Variants in UNC13B observed in about 807,000 individuals in gnomAD.
The protein encoded by UNC13B is unc-13 homolog B.
Under a neutral mutation model 211.0 loss-of-function variants are expected in UNC13B, and 144 were observed. The observed-to-expected ratio is 0.68, with a 90% CI of 0.60 to 0.78. The LOEUF is 0.78. Among genes scored for constraint, UNC13B ranks in the 30% least tolerant of loss-of-function variants. UNC13B has a pLI of 0.00. For missense variants in UNC13B, 1,777 were observed against 2,002.0 expected, an observed-to-expected ratio of 0.89 and a Z score of 2.14; for synonymous variants, 709 against 725.8, an observed-to-expected ratio of 0.98 and a Z score of 0.37.
chr9:35,255,365 C>T (rs1230754151), intron 6 of UNC13B, among the ~76,000 whole-genome samples: 1 of 151,322 alleles, frequency 6.6e-6, no homozygotes, highest in Non-Finnish European at 1.5e-5. Context: ...AGTGTAACTG[C>T]CCAACGGGTT....
At chr9:35,291,821 A>G (rs1409098774) in intron 7 of UNC13B, among the ~76,000 whole-genome samples, 1 of 152,126 alleles carries the variant, frequency 6.6e-6, no homozygotes, top group Non-Finnish European at 1.5e-5. Context: ...AGACGGGCCA[A>G]AGTTTGTCCT....
intron 11 of UNC13B, chr9:35,353,870 C>T: frequency 1.8e-6 from 2 of 1,090,604 alleles, no homozygotes; most frequent in Non-Finnish European, 1.2e-6. Context: ...TCCATCTGGC[C>T]AGCATGAGAC....
At chr9:35,266,295 C>T (rs1827569459) in intron 7 of UNC13B, among the ~76,000 whole-genome samples, 1 of 152,304 alleles carries the variant, frequency 6.6e-6, no homozygotes, top group East Asian at 1.9e-4. Context: ...TGGATGGCCC[C>T]TCCACTACCC....
intron 7 of UNC13B, among the ~76,000 whole-genome samples, chr9:35,288,903 A>G (rs1364176292): frequency 2.0e-5 from 3 of 150,324 alleles, no homozygotes; most frequent in South Asian, 2.1e-4. Context: ...GTTGATAGAC[A>G]TATTCTGAGG....
intron 7 of UNC13B, among the ~76,000 whole-genome samples, chr9:35,284,960 A>G (rs1828708666): frequency 6.6e-6 from 1 of 152,090 alleles, no homozygotes; most frequent in African/African-American, 2.4e-5. Context: ...ATAATTGTAG[A>G]CCTTACTTTT....
chr9:35,334,225 CAA>C (rs1179208403), intron 11 of UNC13B, among the ~76,000 whole-genome samples: 1 of 152,228 alleles, frequency 6.6e-6, no homozygotes, highest in African/African-American at 2.4e-5. Context: ...TCTGGCCTCC[CAA>C]AGTGCTGGGA....
intron 3 of UNC13B, 25 bp from the exon 4 acceptor site, chr9:35,236,444 C>G: frequency 6.3e-7 from 1 of 1,591,172 alleles, no homozygotes; most frequent in Non-Finnish European, 8.6e-7. Context: ...TAGCTTTCCT[C>G]AAAGGGCTTT....
intron 7 of UNC13B, among the ~76,000 whole-genome samples, chr9:35,282,296 C>T: frequency 6.6e-6 from 1 of 152,154 alleles, no homozygotes; most frequent in East Asian, 1.9e-4. Flanking sequence ...CCTACTATCC[C>T]AACTTTTATA....
intron 26 of UNC13B, among the ~76,000 whole-genome samples, chr9:35,391,553 T>C (rs1275497431): frequency 2.0e-5 from 3 of 152,190 alleles, no homozygotes; most frequent in Non-Finnish European, 4.4e-5. Context: ...TGAAGATCTG[T>C]GTTACATTTG....
intron 1 of UNC13B, among the ~76,000 whole-genome samples, chr9:35,202,274 G>C (rs1043493874): frequency 6.6e-6 from 1 of 152,120 alleles, no homozygotes; most frequent in African/African-American, 2.4e-5. Flanking sequence ...GGTCACTTTT[G>C]GAATAAGTAT....
At chr9:35,356,694 C>T (rs1388012601) in intron 11 of UNC13B, among the ~76,000 whole-genome samples, 1 of 152,154 alleles carries the variant, frequency 6.6e-6, no homozygotes, top group Non-Finnish European at 1.5e-5. Context: ...GTTATGCAGA[C>T]ATCATCACCA....
intron 11 of UNC13B, chr9:35,362,013 G>T (rs1280044561): frequency 6.6e-6 from 1 of 152,216 alleles, no homozygotes; most frequent in Non-Finnish European, 1.5e-5. Context: ...GCTACAGTAA[G>T]CAACGGGGAG....
intron 18 of UNC13B, 143 bp downstream of exon 18, chr9:35,380,782 G>A (rs1834773717): frequency 2.7e-6 from 3 of 1,108,332 alleles, no homozygotes; most frequent in South Asian, 1.5e-5. Flanking sequence ...ACTGACTGTG[G>A]GGAGGGATGG....
At chr9:35,292,077 T>A (rs1363554008) in intron 7 of UNC13B, among the ~76,000 whole-genome samples, 1 of 152,192 alleles carries the variant, frequency 6.6e-6, no homozygotes, top group African/African-American at 2.4e-5. Flanking sequence ...AGTTAAGGTT[T>A]TCAAGTAGAA....
chr9:35,262,278 T>C (rs1265882379), intron 7 of UNC13B, among the ~76,000 whole-genome samples: 1 of 151,852 alleles, frequency 6.6e-6, no homozygotes, highest in African/African-American at 2.4e-5. Context: ...CCTTTTCCTT[T>C]TCCTTTCTTT....
At chr9:35,264,668 C>A (rs902080664) in intron 7 of UNC13B, among the ~76,000 whole-genome samples, 1 of 152,144 alleles carries the variant, frequency 6.6e-6, no homozygotes, top group African/African-American at 2.4e-5. Flanking sequence ...GGGCTGCCCC[C>A]CTCACCACAG....
intron 12 of UNC13B, among the ~76,000 whole-genome samples, 177 bp from the exon 13 acceptor site, chr9:35,370,141 C>G (rs1295574396): frequency 1.3e-5 from 2 of 152,256 alleles, no homozygotes; most frequent in African/African-American, 4.8e-5. Flanking sequence ...CTATTGCTCA[C>G]TCTTCCATGA....
rs1587572065 is a variant in UNC13B at position 35,300,600 on chromosome 9, A to T, written c.1196A>T (p.His399Leu). ...KQENLQSPTW[H>L]SSNVHHIGDF... ...GAAAATTTACAGTCACCAACATGGC[A>T]TTCATCCAATGTCCACCATATTGGA... Residue 399 changes from histidine to leucine, a missense_variant, in exon 9 of 40, where the codon CAT becomes CTT. His to Leu is a moderately conservative substitution (Grantham distance 99). Transcript: ENST00000635942. 14 of 398,914 alleles carry T rather than the reference A, an allele frequency of 3.5e-5. No homozygotes were observed. In the East Asian group the frequency reaches 5.0e-4, roughly 14 times the overall value. 24.7% of individuals were successfully genotyped at this position (398,914 alleles called of 1,614,324 possible). A position where few individuals can be genotyped will look rare whatever the true frequency, so the allele number is the denominator to read the frequency against.
intron 11 of UNC13B, among the ~76,000 whole-genome samples, chr9:35,350,582 T>A (rs1465292150): frequency 6.6e-6 from 1 of 152,146 alleles, no homozygotes; most frequent in Non-Finnish European, 1.5e-5. Context: ...TCCCCAGTTG[T>A]GAGTTCATGA....
Sources: gnomAD v4.1 joint callset for allele counts (sites outside exome capture counted in the v4.1 genomes callset) on GRCh38, gnomAD v4.1.1 for gene constraint, MANE v1.5 for transcripts, NCBI Gene and HGNC (gene_info 2026-07-23, HGNC 2026-07-21) for gene names.